Variants in RERG observed in about 807,000 individuals in gnomAD.
RERG encodes RAS like estrogen regulated growth inhibitor.
RERG carries 25 observed loss-of-function variants against 23.2 expected under a neutral mutation model. The ratio of observed to expected loss-of-function variants is 1.08; its 90% confidence interval spans 0.79 to 1.50. RERG has a LOEUF of 1.50. Ranked by LOEUF, RERG falls within the 40% of genes most tolerant of loss-of-function variation. The pLI, the probability that RERG is intolerant of heterozygous loss-of-function variation, is 0.00. For synonymous variants in RERG, 81 were observed against 89.1 expected (o/e 0.91, Z 0.51); for missense variants, 253 against 250.1 (o/e 1.01, Z -0.08).
intron 2 of RERG, among the ~76,000 whole-genome samples, chr12:15,206,168 G>C (rs940495047): frequency 6.6e-6 from 1 of 152,000 alleles, no homozygotes; most frequent in Non-Finnish European, 1.5e-5. Flanking sequence ...AGTTCATCCT[G>C]TCACAATTGT....
Position 15,172,900 on chromosome 12 carries a change from G to A in RERG, c.61+44529C>T, listed in dbSNP as rs145930034. ...AAATCCCTTCTCATATATTTGATTT[G>A]AAAGTGTTTTCTTCCATTCAGTGAG... On this transcript the variant is annotated intron_variant, in intron 2 of 4. Coordinates refer to ENST00000256953, the MANE Select transcript of RERG (RefSeq NM_032918.3). 7.9e-3 allele frequency among the ~76,000 whole-genome samples: 1,201 copies of A among 152,012 alleles called. 7 individuals are homozygous for A. The highest frequency in any genetic ancestry group is 0.014 in the Non-Finnish European group (935 of 67,868).
chr12:15,110,463 C>CTTTTTTTTTTTTTTTTTTTT lies in RERG; in HGVS notation c.192+861_192+880dup, dbSNP rs869218147. On this transcript the variant is annotated intron_variant, in intron 4 of 4. Coordinates refer to ENST00000256953, the MANE Select transcript of RERG (RefSeq NM_032918.3). ...CTGTCATTCCAGTGGCCATTTTTTTCTTTTTTTTTTTTTTTTTTTTTTTTT... is the reference window on the plus strand; with the variant it reads ...CTGTCATTCCAGTGGCCATTTTTTTCTTTTTTTTTTTTTTTTTTTTTTTTTTTTTTTTTTTTTTTTTTTTT... Among the ~76,000 whole-genome samples the CTTTTTTTTTTTTTTTTTTTT allele has an allele frequency of 1.7e-3, 125 of 73,132 alleles. 26 individuals carry two copies. Among genetic ancestry groups the CTTTTTTTTTTTTTTTTTTTT allele is most frequent in the African/African-American group, 6.5e-3 (109 of 16,772 alleles). 48.0% of individuals were successfully genotyped at this position (73,132 alleles called of 152,430 possible). A position where few individuals can be genotyped will look rare whatever the true frequency, so the allele number is the denominator to read the frequency against.
chr12:15,218,977 C>A (rs1024604970), intron 1 of RERG, among the ~76,000 whole-genome samples: 2 of 152,108 alleles, frequency 1.3e-5, no homozygotes, highest in African/African-American at 4.8e-5. Flanking sequence ...ATCTGCCCAC[C>A]ATGGTTATAC....
chr12:15,178,716 G>A (rs917013927), intron 2 of RERG, among the ~76,000 whole-genome samples: 1 of 152,114 alleles, frequency 6.6e-6, no homozygotes. Context: ...TGACTCCTAC[G>A]AACCTCTAAG....
chr12:15,111,338 A>G lies in RERG; in HGVS notation c.192+6T>C, dbSNP rs370819546. 107 of 1,599,166 alleles carry G rather than the reference A, an allele frequency of 6.7e-5. No individual in the cohort carries two copies. The highest frequency in any genetic ancestry group is 2.8e-5 in the Non-Finnish European group (33 of 1,168,822). On this transcript the variant is annotated splice_donor_region_variant and intron_variant, in intron 4 of 4. Transcript: ENST00000256953. ...GAAAAATATTTTAGCTGAACTCTTT[A>G]TTCACCTGACCAGCAGTGTCTAGTA...
intron 3 of RERG, among the ~76,000 whole-genome samples, chr12:15,117,683 A>ATGTG (rs1591633787): frequency 6.7e-6 from 1 of 149,488 alleles, no homozygotes; most frequent in Non-Finnish European, 1.5e-5. Context: ...GCGCACACAC[A>ATGTG]CACACACACA....
intron 2 of RERG, among the ~76,000 whole-genome samples, chr12:15,126,279 A>G (rs1159941657): frequency 2.0e-5 from 3 of 151,610 alleles, no homozygotes; most frequent in Non-Finnish European, 4.4e-5. Flanking sequence ...TGAAACCTGA[A>G]ATGTCTATTA....
At chr12:15,192,192 A>T (rs886659239) in intron 2 of RERG, among the ~76,000 whole-genome samples, 1 of 152,130 alleles carries the variant, frequency 6.6e-6, no homozygotes, top group Non-Finnish European at 1.5e-5. Flanking sequence ...GACTGTTTAC[A>T]AGTGTGCGGC....
chr12:15,201,271 A>C (rs375815003), intron 2 of RERG, among the ~76,000 whole-genome samples: 3 of 151,818 alleles, frequency 2.0e-5, no homozygotes, highest in African/African-American at 7.2e-5. Context: ...TCTACAATGT[A>C]CTTGGCATTT....
chr12:15,169,239 T>A, intron 2 of RERG, among the ~76,000 whole-genome samples: 1 of 152,320 alleles, frequency 6.6e-6, no homozygotes, highest in African/African-American at 2.4e-5. Context: ...ATGGTTAATT[T>A]TATGCATTAA....
chr12:15,126,694 T>G (rs886139593), intron 2 of RERG, among the ~76,000 whole-genome samples: 12 of 151,278 alleles, frequency 7.9e-5, no homozygotes, highest in African/African-American at 2.9e-4. Context: ...CTAACTCATA[T>G]CCAGATAGCA....
intron 2 of RERG, among the ~76,000 whole-genome samples, chr12:15,200,979 T>C (rs1865208057): frequency 6.6e-6 from 1 of 151,916 alleles, no homozygotes; most frequent in Non-Finnish European, 1.5e-5. Flanking sequence ...CACATACTGC[T>C]GGGCCCTAAA....
At chr12:15,124,078 T>C (rs1863890717) in intron 2 of RERG, among the ~76,000 whole-genome samples, 1 of 152,120 alleles carries the variant, frequency 6.6e-6, no homozygotes, top group Non-Finnish European at 1.5e-5. Flanking sequence ...TTAATGAAAA[T>C]TGGTTTCTAA....
rs1865461263 is a variant in RERG at position 15,217,615 on chromosome 12, G to T, written c.-114-12C>A. The T allele has an allele frequency of 1.4e-6, 1 of 695,318 alleles. No homozygotes were observed. The highest frequency in any genetic ancestry group is 2.6e-6 in the Non-Finnish European group (1 of 392,070). The allele number at this position is 695,318 out of a possible 1,614,324, so 43.1% of individuals were successfully genotyped here. A position where few individuals can be genotyped will look rare whatever the true frequency, so the allele number is the denominator to read the frequency against. On this transcript the variant is annotated splice_polypyrimidine_tract_variant and intron_variant, in intron 1 of 4. Transcript: ENST00000256953. Reference sequence around the variant, plus strand: ...AAGAGTCCACAATCCTTAAACAAAAGAAATTTGGGAATTCATAAGTGACTG... The same window carrying T: ...AAGAGTCCACAATCCTTAAACAAAATAAATTTGGGAATTCATAAGTGACTG...
intron 2 of RERG, among the ~76,000 whole-genome samples, chr12:15,180,052 T>C (rs1374593836): frequency 6.6e-6 from 1 of 152,112 alleles, no homozygotes; most frequent in African/African-American, 2.4e-5. Context: ...GGGAGAAACC[T>C]GATGGAGGAA....
At chr12:15,182,285 C>T (rs1048432843) in intron 2 of RERG, among the ~76,000 whole-genome samples, 4 of 151,874 alleles carry the variant, frequency 2.6e-5, no homozygotes, top group Non-Finnish European at 1.5e-5. Flanking sequence ...CTCAAACTCC[C>T]GGCCTTAGGT....
intron 2 of RERG, chr12:15,154,437 T>C (rs1488820447): frequency 6.6e-6 from 1 of 152,238 alleles, no homozygotes; most frequent in Admixed American, 6.5e-5. Flanking sequence ...ATATAAATTC[T>C]ACTTTGATTA....
chr12:15,217,324 A>G lies in RERG; in HGVS notation c.61+105T>C, dbSNP rs1865453283. ...TTATCTAAAAGAGTAAGAAATGAAA[A>G]TAGGAGGAATACCAACTACTCACCT... is the stretch of plus-strand genomic sequence containing the variant. On this transcript the variant is annotated intron_variant, in intron 2 of 4. Coordinates refer to ENST00000256953, the MANE Select transcript of RERG (RefSeq NM_032918.3). The G allele has an allele frequency of 2.1e-5, 16 of 750,724 alleles. No homozygotes were observed. In the South Asian group the frequency reaches 2.3e-4, roughly 11 times the overall value. The allele number at this position is 750,724 out of a possible 1,614,324, so 46.5% of individuals were successfully genotyped here.
intron 2 of RERG, among the ~76,000 whole-genome samples, chr12:15,216,760 G>A (rs1016273909): frequency 2.0e-5 from 3 of 152,184 alleles, no homozygotes; most frequent in Non-Finnish European, 4.4e-5. Context: ...TAGATAGCAG[G>A]TACATTTTTC....
Sources: gnomAD v4.1 joint callset for allele counts (sites outside exome capture counted in the v4.1 genomes callset) on GRCh38, gnomAD v4.1.1 for gene constraint, MANE v1.5 for transcripts, NCBI Gene and HGNC (gene_info 2026-07-23, HGNC 2026-07-21) for gene names.